COL7A1: variants seen among roughly 807,000 people sequenced by gnomAD.
COL7A1 encodes collagen alpha-1(VII) chain.
A neutral mutation model predicts 456.2 loss-of-function variants in COL7A1; 296 were observed. That is an observed-to-expected ratio of 0.65 (90% CI 0.59 to 0.71). The LOEUF is 0.71. COL7A1 is among the 30% of genes least tolerant of loss of function. The pLI is 0.00. For missense variants in COL7A1, 3,441 were observed against 4,017.2 expected, an observed-to-expected ratio of 0.86 and a Z score of 3.88; for synonymous variants, 1,464 against 1,525.9, an observed-to-expected ratio of 0.96 and a Z score of 0.95.
In COL7A1 at chr3:48,595,106, C is replaced by G. The variant is rs35899847; in HGVS notation, c.54G>C (p.Ala18=). The change falls in exon 2 of 119, where the codon GCG becomes GCC. Residue 18 remains alanine, a synonymous_variant. Transcript: ENST00000681320. The stretch of plus-strand genomic sequence containing the variant: ...CCCTGTGCTGGGCTCGCACTCGGGG[C>G]GCCTCTGCCAGGATCCCGGCGCAGA... ...AALCAGILAE[A]PRVRAQHRER... 4.8e-3 allele frequency: 7,397 copies of G among 1,554,092 alleles called. 28 individuals carry two copies. Among genetic ancestry groups the G allele is most frequent in the Non-Finnish European group, 5.8e-3 (6,713 of 1,149,116 alleles).
At position 48,573,103 on chromosome 3, in the gene COL7A1, G is replaced by T. The variant is rs199983247; in HGVS notation, c.6715-47C>A. 1 of 1,614,092 alleles carries T rather than the reference G, an allele frequency of 6.2e-7. No homozygotes were observed. The highest frequency in any genetic ancestry group is 8.5e-7 in the Non-Finnish European group (1 of 1,179,976). On this transcript the variant is annotated intron_variant, in intron 85 of 118. Transcript: ENST00000681320. The surrounding 1 kb of genome is among the most constrained non-coding windows in gnomAD (Gnocchi z 5.5). Reference sequence around the variant, plus strand: ...GTCAGGGTGACAATGGACACAGGACGACATGAGAGAACATGGGCCCCAAGG... The same window carrying T: ...GTCAGGGTGACAATGGACACAGGACTACATGAGAGAACATGGGCCCCAAGG...
Position 48,575,679 on chromosome 3 carries a change from G to C in COL7A1, c.5926C>G (p.Arg1976Gly), listed in dbSNP as rs143307229. The C allele has an allele frequency of 1.7e-5, 27 of 1,613,540 alleles. No homozygotes were observed. In the African/African-American group the frequency reaches 2.9e-4, roughly 18 times the overall value. Reference sequence around the variant, plus strand: ...GAGTCCCCCTTGGGGCCTCGACGCCGTTCGGGCACAGGCAGGAAGCTACCA... The same window carrying C: ...GAGTCCCCCTTGGGGCCTCGACGCCCTTCGGGCACAGGCAGGAAGCTACCA... The part of the protein sequence containing the change: ...SSGSFLPVPE[R>G]RRGPKGDSGE... The change falls in exon 73 of 119, where the codon CGG (arginine) becomes GGG (glycine). Residue 1976 changes from arginine to glycine, a missense_variant. Physicochemically the swap from Arg to Gly is moderately radical, Grantham distance 125. Around this residue, in one of 3 missense-constraint regions of COL7A1, gnomAD observed 2,084 missense variants for 2,501.3 expected, o/e 0.83. Coordinates refer to ENST00000681320, the MANE Select transcript of COL7A1 (RefSeq NM_000094.4). The surrounding 1 kb of genome is among the most constrained non-coding windows in gnomAD (Gnocchi z 6.3).
In COL7A1 at chr3:48,583,931, C is replaced by G; in HGVS notation, c.4247G>C (p.Gly1416Ala). ...CCCAGGCTCCCCAGGAGCAATGCCA[C>G]CTTCACCTGGTCCAGGGGGACCCTG... Reference protein sequence around the residue: ...GERGPPGPGEGGIAPGEPGLP... With the variant: ...GERGPPGPGEAGIAPGEPGLP... Residue 1416 changes from glycine to alanine, a missense_variant, in exon 39 of 119, where the codon GGT becomes GCT. Gly to Ala is a moderately conservative substitution (Grantham distance 60). Coordinates refer to ENST00000681320, the MANE Select transcript of COL7A1 (RefSeq NM_000094.4). The surrounding 1 kb of genome is among the most constrained non-coding windows in gnomAD (Gnocchi z 5.1). 3 of 1,614,042 alleles carry G rather than the reference C, an allele frequency of 1.9e-6. No homozygotes were observed. Among genetic ancestry groups the G allele is most frequent in the Non-Finnish European group, 2.5e-6 (3 of 1,180,010 alleles).
rs1370159720 is a variant in COL7A1 at position 48,592,033 on chromosome 3, A to G, written c.1241-19T>C. 4 of 1,613,876 alleles carry G rather than the reference A, an allele frequency of 2.5e-6. No homozygotes were observed. The highest frequency in any genetic ancestry group is 3.4e-6 in the Non-Finnish European group (4 of 1,179,966). On this transcript the variant is annotated intron_variant, in intron 10 of 118. Transcript: ENST00000681320. The surrounding 1 kb of genome is among the most constrained non-coding windows in gnomAD (Gnocchi z 7.6). ...GAAGCGTCTGCCCAGGGCACATGGG[A>G]TGTCAGTGGCCTCCGGGCCTTGCCC...
chr3:48,574,811 G>A lies in COL7A1; in HGVS notation c.6334C>T (p.Leu2112Phe), dbSNP rs1232881304. The A allele has an allele frequency of 3.1e-6, 5 of 1,613,882 alleles. No individual in the cohort carries two copies. In the African/African-American group the frequency reaches 4.0e-5, roughly 13 times the overall value. ...CACACACTGACCTTAGCACCCTTGAGTCCAGGGGGTCCCTGTTCTCCAGAG... is the reference window on the plus strand; with the variant it reads ...CACACACTGACCTTAGCACCCTTGAATCCAGGGGGTCCCTGTTCTCCAGAG... ...GLSGEQGPPG[L>F]KGAKGEPGSN... The change falls in exon 77 of 119, where the codon CTC becomes TTC. Residue 2112 changes from leucine to phenylalanine, a missense_variant. Leu to Phe is a conservative substitution (Grantham distance 22). Transcript: ENST00000681320. This position sits in a 1 kb window ranked among gnomAD's most constrained non-coding sequence, Gnocchi z 5.0.
chr3:48,592,782 C>A lies in COL7A1; in HGVS notation c.839G>T (p.Arg280Leu). ...TCACTCCTGACATCCTACCTCCTGC[C>A]GCTCACTCGGCAGTGGCTGTCCCAG... ...TGLGQPLPSE[R>L]QEVNVPAGET... The change falls in exon 7 of 119, where the codon CGG becomes CTG. Residue 280 changes from arginine (R) to leucine (L), a missense_variant. Physicochemically the swap from Arg to Leu is moderately radical, Grantham distance 102. This residue lies in a region of COL7A1 where 913 missense variants were observed against 1,088.2 expected (regional missense o/e 0.84). Transcript: ENST00000681320. The surrounding 1 kb of genome is among the most constrained non-coding windows in gnomAD (Gnocchi z 7.6). 6.2e-7 allele frequency: 1 copy of A among 1,613,704 alleles called. No homozygotes were observed.
intron 17 of COL7A1, 59 bp from the exon 18 acceptor site, chr3:48,589,529 C>A (rs561570161): frequency 6.2e-7 from 1 of 1,612,716 alleles, no homozygotes; most frequent in African/African-American, 1.3e-5. Flanking sequence ...CAGAGCCCCA[C>A]CTGGACCCCC....
chr3:48,574,690 G>C lies in COL7A1; in HGVS notation c.6380C>G (p.Pro2127Arg). The C allele has an allele frequency of 6.2e-7, 1 of 1,613,918 alleles. No individual in the cohort carries two copies. Among genetic ancestry groups the C allele is most frequent in the Non-Finnish European group, 8.5e-7 (1 of 1,179,994 alleles). ...GAGAGGCCTCACCCTGTCTCCTTTGGGACCTTGGTCACCATTGCTGCCCGG... is the reference window on the plus strand; with the variant it reads ...GAGAGGCCTCACCCTGTCTCCTTTGCGACCTTGGTCACCATTGCTGCCCGG... ...GEPGSNGDQG[P>R]KGDRGVPGIK... Residue 2127 changes from proline (P) to arginine (R), a missense_variant, in exon 78 of 119, where the codon CCC becomes CGC. This residue lies in a region of COL7A1 where 2,084 missense variants were observed against 2,501.3 expected (regional missense o/e 0.83). Transcript: ENST00000681320. The surrounding 1 kb of genome is among the most constrained non-coding windows in gnomAD (Gnocchi z 5.0).
rs959103707 is a variant in COL7A1, at chr3:48,591,254, C to A, written c.1636+210G>T. Reference sequence around the variant, plus strand: ...TGAAAGCCGTGGATGGGGTGTGGGGCAGGGAGGAGATTGGTTGGGGTAGGG... The same window carrying A: ...TGAAAGCCGTGGATGGGGTGTGGGGAAGGGAGGAGATTGGTTGGGGTAGGG... On this transcript the variant is annotated intron_variant, in intron 13 of 118. Coordinates refer to ENST00000681320, the MANE Select transcript of COL7A1 (RefSeq NM_000094.4). The surrounding 1 kb of genome is among the most constrained non-coding windows in gnomAD (Gnocchi z 7.0). Among the ~76,000 whole-genome samples the A allele has an allele frequency of 6.6e-6, 1 of 151,906 alleles. No homozygotes were observed. The highest frequency in any genetic ancestry group is 2.4e-5 in the African/African-American group (1 of 41,314).
Position 48,594,287 on chromosome 3 carries a change from GT to G in COL7A1, c.266+80del, listed in dbSNP as rs1210499811. 1.3e-6 allele frequency: 2 copies of G among 1,542,276 alleles called. No individual in the cohort carries two copies. The highest frequency in any genetic ancestry group is 1.8e-6 in the Non-Finnish European group (2 of 1,130,394). ...TGTTTCTGCAAAGACCTGGCCTGGG[GT>G]TTCCAGGGTCTCCTCCCTCTCTGGG... On this transcript the variant is annotated intron_variant, in intron 3 of 118. Coordinates refer to ENST00000681320, the MANE Select transcript of COL7A1 (RefSeq NM_000094.4). This position sits in a 1 kb window ranked among gnomAD's most constrained non-coding sequence, Gnocchi z 5.5.
Position 48,583,649 on chromosome 3 carries a change from G to A in COL7A1, c.4342-34C>T. On this transcript the variant is annotated intron_variant, in intron 40 of 118. Transcript: ENST00000681320. This position sits in a 1 kb window ranked among gnomAD's most constrained non-coding sequence, Gnocchi z 5.1. ...GAAACACACGGGTGGGAAGACCGAA[G>A]GGAGGCCCTGCCCCCAGCACGCAGC... 6.2e-7 allele frequency: 1 copy of A among 1,613,872 alleles called. No homozygotes were observed. The highest frequency in any genetic ancestry group is 8.5e-7 in the Non-Finnish European group (1 of 1,179,882).
chr3:48,574,770 G>A lies in COL7A1; in HGVS notation c.6348+27C>T, dbSNP rs958559696. On this transcript the variant is annotated intron_variant, in intron 77 of 118. Transcript: ENST00000681320. This position sits in a 1 kb window ranked among gnomAD's most constrained non-coding sequence, Gnocchi z 5.0. ...AGTCCCTAGTGCCATGGCAGAGGGT[G>A]GCCCCGAGCTGATTCCACACACTGA... The A allele has an allele frequency of 1.4e-5, 22 of 1,614,000 alleles. No individual in the cohort carries two copies. Among genetic ancestry groups the A allele is most frequent in the Non-Finnish European group, 1.7e-5 (20 of 1,180,022 alleles).
At chr3:48,576,640 A>G (rs2044321994) in intron 68 of COL7A1, 36 bp downstream of exon 68, 1 of 1,593,470 alleles carries the variant, frequency 6.3e-7, no homozygotes, top group South Asian at 1.1e-5. Context: ...ATGGCTTCTA[A>G]TGCTCTGAAG....
rs1435934984 is a variant in COL7A1, at chr3:48,587,074, TAGGA to T, written c.3170_3173del (p.Phe1057TyrfsTer51). On this transcript the variant is annotated frameshift_variant, in exon 25 of 119. Transcript: ENST00000681320. LOFTEE classifies it high-confidence loss of function. The surrounding 1 kb of genome is among the most constrained non-coding windows in gnomAD (Gnocchi z 6.1). ...GAGCATTGTCTTGAGTGGCATGTGG[TAGGA>T]ACACCACATCCGCCAGGCCACGGGG... 6.2e-7 allele frequency: 1 copy of T among 1,611,146 alleles called. No individual in the cohort carries two copies. Among genetic ancestry groups the T allele is most frequent in the Non-Finnish European group, 8.5e-7 (1 of 1,178,898 alleles).
chr3:48,570,443 C>T lies in COL7A1; in HGVS notation c.7380+22G>A. ...GGGTGACCAGGGCACAAGAGAGAGT[C>T]AGCAGCACTTGTCCCACCTACCTTG... On this transcript the variant is annotated intron_variant, in intron 97 of 118. Coordinates refer to ENST00000681320, the MANE Select transcript of COL7A1 (RefSeq NM_000094.4). This position sits in a 1 kb window ranked among gnomAD's most constrained non-coding sequence, Gnocchi z 5.5. The T allele has an allele frequency of 6.2e-7, 1 of 1,614,050 alleles. No individual in the cohort carries two copies. Among genetic ancestry groups the T allele is most frequent in the South Asian group, 1.1e-5 (1 of 91,080 alleles).
At position 48,595,107 on chromosome 3, in the gene COL7A1, G is replaced by T. The variant is rs563053737; in HGVS notation, c.53C>A (p.Ala18Glu). The T allele has an allele frequency of 1.0e-5, 16 of 1,554,250 alleles. No homozygotes were observed. In the South Asian group the frequency reaches 1.7e-4, roughly 16 times the overall value. ...AALCAGILAE[A>E]PRVRAQHRER... ...CCTGTGCTGGGCTCGCACTCGGGGC[G>T]CCTCTGCCAGGATCCCGGCGCAGAG... is the stretch of plus-strand genomic sequence containing the variant. The change falls in exon 2 of 119, where the codon GCG (alanine) becomes GAG (glutamate). Residue 18 changes from alanine (A) to glutamate (E), a missense_variant. Physicochemically the swap from Ala to Glu is moderately radical, Grantham distance 107. Around this residue, in one of 3 missense-constraint regions of COL7A1, gnomAD observed 913 missense variants for 1,088.2 expected, o/e 0.84. Coordinates refer to ENST00000681320, the MANE Select transcript of COL7A1 (RefSeq NM_000094.4).
In COL7A1 at chr3:48,575,002, C is replaced by A. The variant is rs1441723859; in HGVS notation, c.6279+62G>T. On this transcript the variant is annotated intron_variant, in intron 76 of 118. Coordinates refer to ENST00000681320, the MANE Select transcript of COL7A1 (RefSeq NM_000094.4). This position sits in a 1 kb window ranked among gnomAD's most constrained non-coding sequence, Gnocchi z 6.3. ...GCACACACTACCATATTTCTGGGGA[C>A]CAAGCTAAGGGTGGCTTCCTGGTCA... 1.3e-6 allele frequency: 2 copies of A among 1,585,284 alleles called. No individual in the cohort carries two copies. Among genetic ancestry groups the A allele is most frequent in the African/African-American group, 1.3e-5 (1 of 74,282 alleles).
At position 48,580,398 on chromosome 3, in the gene COL7A1, C is replaced by T. The variant is rs542233389; in HGVS notation, c.5053-54G>A. 3 of 1,587,338 alleles carry T rather than the reference C, an allele frequency of 1.9e-6. No homozygotes were observed. In the South Asian group the frequency reaches 3.4e-5, roughly 18 times the overall value. ...CAAGGTAGGCAGCAGTTTGGGAGAG[C>T]TTTGGAAGCACCATGAGGACTCATG... On this transcript the variant is annotated intron_variant, in intron 55 of 118. Coordinates refer to ENST00000681320, the MANE Select transcript of COL7A1 (RefSeq NM_000094.4). The surrounding 1 kb of genome is among the most constrained non-coding windows in gnomAD (Gnocchi z 4.5).
Position 48,590,181 on chromosome 3 carries a change from CAG to C in COL7A1, c.2050+30_2050+31del. On this transcript the variant is annotated intron_variant, in intron 16 of 118. Coordinates refer to ENST00000681320, the MANE Select transcript of COL7A1 (RefSeq NM_000094.4). The surrounding 1 kb of genome is among the most constrained non-coding windows in gnomAD (Gnocchi z 4.6). ...TGGGGGTCTGAAAGAGCAATGGAGG[CAG>C]AGAGCCAAGGGACGGGGGCAGGGCC... The C allele has an allele frequency of 6.2e-7, 1 of 1,606,634 alleles. No homozygotes were observed. Among genetic ancestry groups the C allele is most frequent in the Non-Finnish European group, 8.5e-7 (1 of 1,175,956 alleles).
Sources: allele counts gnomAD v4.1 joint callset (sites outside exome capture counted in the v4.1 genomes callset), GRCh38; gene constraint gnomAD v4.1.1; regional missense constraint gnomAD v4.1.1; non-coding constraint Gnocchi (gnomAD v3.1); transcripts MANE v1.5; gene names NCBI Gene and HGNC (gene_info 2026-07-23, HGNC 2026-07-21).